The following TSPAN3 variants were observed in gnomAD, a reference collection of about 807,000 sequenced individuals.
The protein encoded by TSPAN3 is tetraspanin-3.
In TSPAN3, 9 loss-of-function variants were observed where a neutral mutation model predicts 31.1. The ratio of observed to expected loss-of-function variants is 0.29; its 90% CI spans 0.17 to 0.50. TSPAN3 has a LOEUF of 0.50. Ranked by LOEUF, TSPAN3 falls within the 20% of genes least tolerant of loss-of-function variation. The probability of loss-of-function intolerance (pLI) is 0.98; values close to 1 mark genes in which losing one functional copy is unlikely to be tolerated. For missense variants in TSPAN3, 252 were observed against 313.5 expected, an observed-to-expected ratio of 0.80 and a Z score of 1.48; for synonymous variants, 129 against 114.3, an observed-to-expected ratio of 1.13 and a Z score of -0.82.
chr15:77,067,120 C>T (rs2076838446), intron 1 of TSPAN3, among the ~76,000 whole-genome samples: 1 of 152,072 alleles, frequency 6.6e-6, no homozygotes, highest in Non-Finnish European at 1.5e-5. Flanking sequence ...CTCTTAAAGG[C>T]CCCATCTCTC....
chr15:77,056,175 C>T lies in TSPAN3; in HGVS notation c.144G>A (p.Val48=), dbSNP rs1482170386. Residue 48 remains valine (V), a synonymous_variant, in exon 2 of 7, where the codon GTG becomes GTA. Transcript: ENST00000267970. The part of the protein sequence containing the change: ...YDDYDHFFED[V]YTLIPAVVII... Reference sequence around the variant, plus strand: ...TCACTACAGCAGGGATGAGCGTGTACACATCTTCAAAGAAGTGGTCATAGT... The same window carrying T: ...TCACTACAGCAGGGATGAGCGTGTATACATCTTCAAAGAAGTGGTCATAGT... 3 of 1,613,900 alleles carry T rather than the reference C, an allele frequency of 1.9e-6. No homozygotes were observed. Among genetic ancestry groups the T allele is most frequent in the South Asian group, 1.1e-5 (1 of 91,058 alleles).
intron 1 of TSPAN3, among the ~76,000 whole-genome samples, chr15:77,057,531 A>G (rs2076775539): frequency 6.6e-6 from 1 of 152,196 alleles, no homozygotes; most frequent in East Asian, 1.9e-4. Context: ...TAAATTTGGG[A>G]AAGTAATTTG....
At chr15:77,052,649 A>C in intron 5 of TSPAN3, 128 bp downstream of exon 5, 1 of 1,151,752 alleles carries the variant, frequency 8.7e-7, no homozygotes, top group Non-Finnish European at 1.2e-6. Flanking sequence ...TTTTATAATA[A>C]TTTACAGTAA....
rs2076693707 is a variant in TSPAN3, at chr15:77,046,694, C to T, written c.*141G>A. Reference sequence around the variant, plus strand: ...CAGGTAGTAGGTAAGTAGGTGGGCACATGAAAAGCCAAGCTGCTCTGTCCA... The same window carrying T: ...CAGGTAGTAGGTAAGTAGGTGGGCATATGAAAAGCCAAGCTGCTCTGTCCA... On this transcript the variant is annotated 3_prime_UTR_variant, in exon 7 of 7. Transcript: ENST00000267970. 1.7e-5 allele frequency: 10 copies of T among 602,896 alleles called. No individual in the cohort carries two copies. In the East Asian group the frequency reaches 2.5e-4, roughly 15 times the overall value. The allele number at this position is 602,896 out of a possible 1,614,324, so 37.3% of individuals were successfully genotyped here. A position where few individuals can be genotyped will look rare whatever the true frequency, so the allele number is the denominator to read the frequency against.
chr15:77,049,351 G>A (rs2076714105), intron 6 of TSPAN3, among the ~76,000 whole-genome samples: 1 of 152,102 alleles, frequency 6.6e-6, no homozygotes, highest in Non-Finnish European at 1.5e-5. Flanking sequence ...ATCTGCTCTT[G>A]ATCGTTCTAT....
intron 6 of TSPAN3, among the ~76,000 whole-genome samples, chr15:77,050,269 C>T (rs943317706): frequency 4.6e-5 from 7 of 152,238 alleles, no homozygotes; most frequent in African/African-American, 1.7e-4. Context: ...TAAATTTTCT[C>T]CCCTTAAAAC....
chr15:77,064,903 G>A (rs746819399), intron 1 of TSPAN3: 1 of 152,224 alleles, frequency 6.6e-6, no homozygotes, highest in Non-Finnish European at 1.5e-5. Context: ...TTACCACCTC[G>A]AATGTGTAGG....
In TSPAN3 at chr15:77,046,363, A is replaced by G. The variant is rs2076690944; in HGVS notation, c.*472T>C. On this transcript the variant is annotated 3_prime_UTR_variant, in exon 7 of 7. Coordinates refer to ENST00000267970, the MANE Select transcript of TSPAN3 (RefSeq NM_005724.6). ...CTGCTATCTTATTGGACTACAGTAAATATTTTTTAAAAGGACACCAATGAG... is the reference window on the plus strand; with the variant it reads ...CTGCTATCTTATTGGACTACAGTAAGTATTTTTTAAAAGGACACCAATGAG... The G allele has an allele frequency of 2.5e-6, 1 of 401,372 alleles. No homozygotes were observed. Among genetic ancestry groups the G allele is most frequent in the Non-Finnish European group, 4.4e-6 (1 of 227,456 alleles). 24.9% of individuals were successfully genotyped at this position (401,372 alleles called of 1,614,324 possible).
At position 77,052,475 on chromosome 15, in the gene TSPAN3, C is replaced by A. The variant is rs2152695773; in HGVS notation, c.586-7G>T. Reference sequence around the variant, plus strand: ...CTACTAGAGCCTCACACCCCTGTAACAAACACAGTCATCCTCGTTAGAAGT... The same window carrying A: ...CTACTAGAGCCTCACACCCCTGTAAAAAACACAGTCATCCTCGTTAGAAGT... On this transcript the variant is annotated splice_region_variant and splice_polypyrimidine_tract_variant and intron_variant, in intron 5 of 6. Coordinates refer to ENST00000267970, the MANE Select transcript of TSPAN3 (RefSeq NM_005724.6). The A allele has an allele frequency of 6.2e-7, 1 of 1,611,864 alleles. No homozygotes were observed. The highest frequency in any genetic ancestry group is 8.5e-7 in the Non-Finnish European group (1 of 1,177,932).
Position 77,046,203 on chromosome 15 carries a change from T to G in TSPAN3, c.*632A>C. ...CACACTAATTCTTTTAAAACAGTAGTGCATACATTATACTCCTCCTATAAA... is the reference window on the plus strand; with the variant it reads ...CACACTAATTCTTTTAAAACAGTAGGGCATACATTATACTCCTCCTATAAA... On this transcript the variant is annotated 3_prime_UTR_variant, in exon 7 of 7. Transcript: ENST00000267970. 1 of 390,958 alleles carries G rather than the reference T, an allele frequency of 2.6e-6. No individual in the cohort carries two copies. The highest frequency in any genetic ancestry group is 4.5e-6 in the Non-Finnish European group (1 of 221,588). 24.2% of individuals were successfully genotyped at this position (390,958 alleles called of 1,614,324 possible). A position where few individuals can be genotyped will look rare whatever the true frequency, so the allele number is the denominator to read the frequency against.
chr15:77,048,810 T>A (rs1309219222), intron 6 of TSPAN3, among the ~76,000 whole-genome samples: 1 of 151,894 alleles, frequency 6.6e-6, no homozygotes, highest in Non-Finnish European at 1.5e-5. Context: ...TTGAAAAAAA[T>A]GACTAGTGGT....
chr15:77,055,703 C>T, intron 3 of TSPAN3, 86 bp downstream of exon 3: 1 of 1,051,326 alleles, frequency 9.5e-7, no homozygotes, highest in Non-Finnish European at 1.4e-6. Flanking sequence ...AAAATGTTTA[C>T]TCTGATAAAA....
chr15:77,058,130 C>A (rs1205212018), intron 1 of TSPAN3, among the ~76,000 whole-genome samples: 1 of 152,162 alleles, frequency 6.6e-6, no homozygotes, highest in African/African-American at 2.4e-5. Flanking sequence ...TGGGCCTTAT[C>A]TTATCCCCCT....
chr15:77,047,275 G>T (rs894576795), intron 6 of TSPAN3, among the ~76,000 whole-genome samples: 1 of 152,188 alleles, frequency 6.6e-6, no homozygotes, highest in Non-Finnish European at 1.5e-5. Flanking sequence ...TGTGACTACT[G>T]AGCACCTGAA....
chr15:77,066,434 T>G (rs2076833319), intron 1 of TSPAN3, among the ~76,000 whole-genome samples: 1 of 151,858 alleles, frequency 6.6e-6, no homozygotes, highest in Non-Finnish European at 1.5e-5. Context: ...TAGCTGGGCA[T>G]GGTGGCGCAC....
intron 1 of TSPAN3, among the ~76,000 whole-genome samples, chr15:77,065,458 GCT>G (rs1357502781): frequency 1.3e-5 from 2 of 151,998 alleles, no homozygotes; most frequent in African/African-American, 4.8e-5. Context: ...ATGGAGTCTC[GCT>G]CTGTCGCCCA....
At chr15:77,065,696 C>G (rs867275624) in intron 1 of TSPAN3, among the ~76,000 whole-genome samples, 1 of 152,134 alleles carries the variant, frequency 6.6e-6, no homozygotes, top group Non-Finnish European at 1.5e-5. Flanking sequence ...CATGAGCCAC[C>G]GCACCTGGCT....
intron 1 of TSPAN3, among the ~76,000 whole-genome samples, 200 bp downstream of exon 1, chr15:77,070,692 G>A (rs2076863228): frequency 6.6e-6 from 1 of 151,696 alleles, no homozygotes; most frequent in Non-Finnish European, 1.5e-5. Context: ...GCTGTCCTCC[G>A]CGCCCAGGCT....
At chr15:77,052,724 T>C (rs2076740146) in intron 5 of TSPAN3, 53 bp downstream of exon 5, 2 of 1,585,868 alleles carry the variant, frequency 1.3e-6, no homozygotes, top group South Asian at 1.1e-5. Context: ...TGATAAGACA[T>C]GGTGAAAAAC....
Sources: gnomAD v4.1 joint callset for allele counts (sites outside exome capture counted in the v4.1 genomes callset) on GRCh38, gnomAD v4.1.1 for gene constraint, MANE v1.5 for transcripts, NCBI Gene and HGNC (gene_info 2026-07-23, HGNC 2026-07-21) for gene names.